The following CNTNAP5 variants were observed in gnomAD, a reference collection of about 807,000 sequenced individuals.
The protein encoded by CNTNAP5 is contactin-associated protein-like 5.
A neutral mutation model predicts 150.2 loss-of-function variants in CNTNAP5; 72 were observed. The observed-to-expected ratio is 0.48, with a 90% CI of 0.40 to 0.58. CNTNAP5 has a LOEUF of 0.58. CNTNAP5 is among the 20% of genes least tolerant of loss of function. The pLI, the probability that CNTNAP5 is intolerant of heterozygous loss-of-function variation, is 0.00. For synonymous variants in CNTNAP5, 672 were observed against 619.8 expected (o/e 1.08, Z -1.25); for missense variants, 1,636 against 1,626.2 (o/e 1.01, Z -0.10).
intron 1 of CNTNAP5, among the ~76,000 whole-genome samples, chr2:124,081,746 C>A (rs1053190448): frequency 8.5e-5 from 13 of 152,172 alleles, no homozygotes; most frequent in African/African-American, 2.9e-4. Flanking sequence ...AGGATCCACT[C>A]ATTCCTTATT....
intron 1 of CNTNAP5, among the ~76,000 whole-genome samples, chr2:124,181,672 C>A (rs1311144824): frequency 6.6e-6 from 1 of 152,174 alleles, no homozygotes; most frequent in East Asian, 1.9e-4. Context: ...TGTACTTGAG[C>A]AAGTCATTTC....
intron 17 of CNTNAP5, among the ~76,000 whole-genome samples, chr2:124,782,243 C>G (rs1174381214): frequency 6.6e-6 from 1 of 152,144 alleles, no homozygotes; most frequent in East Asian, 1.9e-4. Context: ...TCCATTTATT[C>G]CTGAAGGCCA....
intron 19 of CNTNAP5, among the ~76,000 whole-genome samples, chr2:124,820,539 G>GGT (rs145110139): frequency 0.05 from 7,609 of 151,988 alleles, 618 homozygotes; most frequent in African/African-American, 0.17. Flanking sequence ...AAAGGAAAGG[G>GGT]GGGGGAGAAA....
chr2:124,419,012 T>A (rs1450528354), intron 4 of CNTNAP5, among the ~76,000 whole-genome samples: 1 of 149,128 alleles, frequency 6.7e-6, no homozygotes, highest in Non-Finnish European at 1.5e-5. Context: ...CGGGCGCCTG[T>A]AGTCCCAGCT....
intron 13 of CNTNAP5, among the ~76,000 whole-genome samples, chr2:124,710,490 C>T (rs1573564194): frequency 6.6e-6 from 1 of 152,142 alleles, no homozygotes. Context: ...TTTAAGTCTT[C>T]TCAGTTCAAC....
At chr2:124,242,444 A>C in intron 3 of CNTNAP5, 51 bp downstream of exon 3, 1 of 1,511,028 alleles carries the variant, frequency 6.6e-7, no homozygotes, top group Non-Finnish European at 9.1e-7. Flanking sequence ...TGCTAATGGT[A>C]ACCAGAGTAT....
intron 7 of CNTNAP5, among the ~76,000 whole-genome samples, chr2:124,491,952 T>A (rs964119898): frequency 2.6e-5 from 4 of 152,112 alleles, no homozygotes; most frequent in African/African-American, 9.7e-5. Flanking sequence ...TATTTGGGTT[T>A]TTTGTTTGTT....
chr2:124,356,738 G>A lies in CNTNAP5; in HGVS notation c.382-60705G>A, dbSNP rs539415363. On this transcript the variant is annotated intron_variant, in intron 3 of 23. Transcript: ENST00000682447. Reference sequence around the variant, plus strand: ...ACATTTGGGTTGGTTCCAAGTCTTTGCTATTGTGAATAATGCCACAATAAA... The same window carrying A: ...ACATTTGGGTTGGTTCCAAGTCTTTACTATTGTGAATAATGCCACAATAAA... 7.9e-4 allele frequency among the ~76,000 whole-genome samples: 120 copies of A among 151,894 alleles called. 1 individual carries two copies. In the East Asian group the frequency reaches 0.023, roughly 29 times the overall value.
At chr2:124,134,961 T>C (rs941030523) in intron 1 of CNTNAP5, 2 of 152,214 alleles carry the variant, frequency 1.3e-5, no homozygotes, top group African/African-American at 2.4e-5. Flanking sequence ...TAAAAATATC[T>C]ACTATACAGA....
intron 12 of CNTNAP5, 116 bp downstream of exon 12, chr2:124,610,036 C>CTT: frequency 8.3e-7 from 1 of 1,198,954 alleles, no homozygotes; most frequent in Non-Finnish European, 1.1e-6. Flanking sequence ...ACCAACTGGT[C>CTT]TCCTTTGGGG....
intron 13 of CNTNAP5, among the ~76,000 whole-genome samples, chr2:124,739,803 C>T (rs539324547): frequency 1.2e-4 from 18 of 152,078 alleles, no homozygotes; most frequent in Middle Eastern, 6.8e-3. Flanking sequence ...AAAACTGTTC[C>T]CACGACCCCT....
chr2:124,845,317 C>T (rs1442651824), intron 19 of CNTNAP5, among the ~76,000 whole-genome samples: 1 of 151,870 alleles, frequency 6.6e-6, no homozygotes. Flanking sequence ...TCCCTGCATT[C>T]CTGGTATGAA....
chr2:124,093,157 GT>G (rs1325054840), intron 1 of CNTNAP5, among the ~76,000 whole-genome samples: 1 of 152,202 alleles, frequency 6.6e-6, no homozygotes, highest in Non-Finnish European at 1.5e-5. Context: ...AGGCTGCACT[GT>G]TTATTGGTTA....
chr2:124,541,604 G>A (rs1203650756), intron 10 of CNTNAP5, among the ~76,000 whole-genome samples: 3 of 152,084 alleles, frequency 2.0e-5, no homozygotes, highest in Non-Finnish European at 4.4e-5. Context: ...GAAGACCCAC[G>A]CACTAGGGGG....
intron 7 of CNTNAP5, among the ~76,000 whole-genome samples, chr2:124,500,964 G>A (rs1694266551): frequency 6.6e-6 from 1 of 152,104 alleles, no homozygotes; most frequent in African/African-American, 2.4e-5. Flanking sequence ...AGCTTTGGGG[G>A]TGTGGTAAGG....
intron 3 of CNTNAP5, among the ~76,000 whole-genome samples, chr2:124,280,472 T>C (rs1687985366): frequency 6.6e-6 from 1 of 152,076 alleles, no homozygotes; most frequent in African/African-American, 2.4e-5. Context: ...ACCCAGTCAC[T>C]GTGATTATTT....
intron 19 of CNTNAP5, among the ~76,000 whole-genome samples, chr2:124,855,363 A>C (rs1677349397): frequency 6.6e-6 from 1 of 151,832 alleles, no homozygotes. Context: ...TTTTCAGTAG[A>C]GGCAGGGTTT....
In CNTNAP5 at chr2:124,221,762, C is replaced by G; in HGVS notation, c.140C>G (p.Ser47Ter). 1 of 1,611,700 alleles carries G rather than the reference C, an allele frequency of 6.2e-7. No homozygotes were observed. The highest frequency in any genetic ancestry group is 8.5e-7 in the Non-Finnish European group (1 of 1,178,792). ...LLSPMAFSSS[S>*]DLTGTHSPAQ... ...TCTCCAATGGCTTTTTCCAGTTCCT[C>G]AGACCTCACTGGCACTCACAGCCCA... The change falls in exon 2 of 24, where the codon TCA becomes TGA. Residue 47 changes from serine (S) to a stop codon, truncating the protein, a stop_gained. Coordinates refer to ENST00000682447, the MANE Select transcript of CNTNAP5 (RefSeq NM_001367498.1). LOFTEE classifies it high-confidence loss of function.
chr2:124,146,573 A>C (rs1296818224), intron 1 of CNTNAP5, among the ~76,000 whole-genome samples: 2 of 152,100 alleles, frequency 1.3e-5, no homozygotes, highest in Non-Finnish European at 2.9e-5. Context: ...TACTTAAATA[A>C]TTTATATTAT....
Sources: allele counts gnomAD v4.1 joint callset (sites outside exome capture counted in the v4.1 genomes callset), GRCh38; gene constraint gnomAD v4.1.1; transcripts MANE v1.5; gene names NCBI Gene and HGNC (gene_info 2026-07-23, HGNC 2026-07-21).